The following CLUAP1 variants were observed in gnomAD, a reference collection of about 807,000 sequenced individuals.
CLUAP1 encodes the protein intraflagellar transport 38.
In CLUAP1, 50 loss-of-function variants were observed where a neutral mutation model predicts 55.0. The ratio of observed to expected loss-of-function variants is 0.91; its 90% CI spans 0.72 to 1.15. The LOEUF (loss-of-function observed/expected upper bound fraction) is 1.15. Ranked by LOEUF, CLUAP1 falls within the 50% of genes most tolerant of loss-of-function variation. CLUAP1 has a pLI of 0.00. For synonymous variants in CLUAP1, 195 were observed against 175.4 expected (o/e 1.11, Z -0.88); for missense variants, 530 against 507.6 (o/e 1.04, Z -0.42).
At chr16:3,520,395 G>GA (rs2037811308) in intron 7 of CLUAP1, among the ~76,000 whole-genome samples, 2 of 150,288 alleles carry the variant, frequency 1.3e-5, no homozygotes, top group Non-Finnish European at 3.0e-5. Context: ...GACTCTAAAA[G>GA]AAAAAAAAAG....
In CLUAP1 at chr16:3,530,689, T is replaced by C. The variant is rs767197432; in HGVS notation, c.1036+14T>C. The C allele has an allele frequency of 5.6e-6, 9 of 1,605,836 alleles. No homozygotes were observed. In the Admixed American group the frequency reaches 8.4e-5, roughly 15 times the overall value. On this transcript the variant is annotated intron_variant, in intron 10 of 11. Coordinates refer to ENST00000576634, the MANE Select transcript of CLUAP1 (RefSeq NM_015041.3). ...TGCTCATGCAAGGTACCCCGGCGTCTTTCGCTGGACTTCCTCCCTGCGCCC... is the reference window on the plus strand; with the variant it reads ...TGCTCATGCAAGGTACCCCGGCGTCCTTCGCTGGACTTCCTCCCTGCGCCC...
intron 9 of CLUAP1, among the ~76,000 whole-genome samples, chr16:3,527,747 G>A (rs111358295): frequency 0.07 from 10,626 of 152,132 alleles, 1,000 homozygotes; most frequent in African/African-American, 0.22. Flanking sequence ...CAAATTAGTG[G>A]AAGTACTAAA....
At chr16:3,519,814 G>T in intron 6 of CLUAP1, 89 bp from the exon 7 acceptor site, 1 of 1,310,004 alleles carries the variant, frequency 7.6e-7, no homozygotes. Context: ...GCATAATGTT[G>T]CTATGCCTGA....
chr16:3,510,289 C>T lies in CLUAP1; in HGVS notation c.399+1821C>T, dbSNP rs1030145800. Among the ~76,000 whole-genome samples the T allele has an allele frequency of 7.5e-4, 113 of 151,408 alleles. 1 individual carries two copies. The highest frequency in any genetic ancestry group is 2.5e-3 in the African/African-American group (102 of 41,192). On this transcript the variant is annotated intron_variant, in intron 4 of 11. Coordinates refer to ENST00000576634, the MANE Select transcript of CLUAP1 (RefSeq NM_015041.3). Reference sequence around the variant, plus strand: ...GATTACAGGCGTGAGCCACCGCACCCGGCTTTGTATTTTTTTTTTTTTTTT... The same window carrying T: ...GATTACAGGCGTGAGCCACCGCACCTGGCTTTGTATTTTTTTTTTTTTTTT...
chr16:3,522,422 C>A (rs948728983), intron 7 of CLUAP1, among the ~76,000 whole-genome samples: 1 of 152,208 alleles, frequency 6.6e-6, no homozygotes, highest in Admixed American at 6.5e-5. Context: ...CCTCAGTCTC[C>A]CAAAGTGCTG....
rs1157046990 is a variant in CLUAP1, at chr16:3,529,823, ATATAT to A, written c.929-739_929-735del. Among the ~76,000 whole-genome samples, 100 of 57,366 alleles carry A rather than the reference ATATAT, an allele frequency of 1.7e-3. 12 individuals carry two copies. The highest frequency in any genetic ancestry group is 7.7e-3 in the African/African-American group (84 of 10,902). The allele number at this position is 57,366 out of a possible 152,430, so 37.6% of individuals were successfully genotyped here. On this transcript the variant is annotated intron_variant, in intron 9 of 11. Coordinates refer to ENST00000576634, the MANE Select transcript of CLUAP1 (RefSeq NM_015041.3). ...ATTATTATATATATATTATAATATA[ATATAT>A]TATATAATATATTATATAATATATA...
At chr16:3,523,685 C>G (rs1326522226) in intron 8 of CLUAP1, among the ~76,000 whole-genome samples, 1 of 152,180 alleles carries the variant, frequency 6.6e-6, no homozygotes, top group Non-Finnish European at 1.5e-5. Context: ...AATTATGTAG[C>G]TGGTCTCGAG....
chr16:3,522,906 A>C (rs561720344), intron 7 of CLUAP1, among the ~76,000 whole-genome samples: 33 of 152,326 alleles, frequency 2.2e-4, no homozygotes, highest in Admixed American at 4.6e-4. Flanking sequence ...TTTTTACGTC[A>C]TTCTTCATAC....
At chr16:3,499,240 G>C (rs1049729552), upstream of CLUAP1, among the ~76,000 whole-genome samples, 4 of 152,344 alleles carry the variant, frequency 2.6e-5, no homozygotes, top group Middle Eastern at 3.4e-3. Context: ...AGCTCCTCCG[G>C]AGGCTGAGGC....
At chr16:3,513,898 G>C (rs2037681957) in intron 5 of CLUAP1, among the ~76,000 whole-genome samples, 1 of 152,198 alleles carries the variant, frequency 6.6e-6, no homozygotes, top group African/African-American at 2.4e-5. Context: ...TCACTGCCTT[G>C]CCTGTGTTCT....
At chr16:3,495,602 C>T in the CLUAP1 span, 1 of 1,339,002 alleles carries the variant, frequency 7.5e-7, no homozygotes, top group African/African-American at 1.5e-5. Flanking sequence ...AAGGCAAGGG[C>T]AGGGTGAAAG....
At chr16:3,499,392 T>C (rs1224041907), upstream of CLUAP1, among the ~76,000 whole-genome samples, 1 of 152,252 alleles carries the variant, frequency 6.6e-6, no homozygotes, top group Non-Finnish European at 1.5e-5. Flanking sequence ...GCCCTTGGCA[T>C]TGTCAAGAGT....
At chr16:3,507,453 G>T (rs912269299) in intron 3 of CLUAP1, among the ~76,000 whole-genome samples, 5 of 151,602 alleles carry the variant, frequency 3.3e-5, no homozygotes, top group East Asian at 1.9e-4. Context: ...TCAGGTGCTT[G>T]GGAGGCTGAG....
chr16:3,520,143 CG>C (rs2037806322), intron 7 of CLUAP1, 107 bp downstream of exon 7: 10 of 1,148,372 alleles, frequency 8.7e-6, no homozygotes, highest in African/African-American at 1.6e-5. Flanking sequence ...GAAGCTGGGG[CG>C]GGGGGTTCTC....
chr16:3,525,117 C>T (rs1473623715), intron 8 of CLUAP1, among the ~76,000 whole-genome samples: 1 of 152,188 alleles, frequency 6.6e-6, no homozygotes, highest in Non-Finnish European at 1.5e-5. Context: ...TCATTGCTAG[C>T]ATTACTCTGT....
chr16:3,512,753 TC>T (rs2151049948), intron 5 of CLUAP1, among the ~76,000 whole-genome samples: 1 of 152,346 alleles, frequency 6.6e-6, no homozygotes, highest in East Asian at 1.9e-4. Context: ...CAATCTCGTC[TC>T]ACTGCAAGCT....
chr16:3,525,262 G>C (rs1236797257), intron 8 of CLUAP1, among the ~76,000 whole-genome samples: 1 of 152,096 alleles, frequency 6.6e-6, no homozygotes, highest in African/African-American at 2.4e-5. Flanking sequence ...AGAAACGTTG[G>C]CCATTTTTTT....
At chr16:3,519,484 G>A (rs1420549545) in intron 6 of CLUAP1, among the ~76,000 whole-genome samples, 1 of 152,240 alleles carries the variant, frequency 6.6e-6, no homozygotes, top group Admixed American at 6.5e-5. Context: ...AGTACTTGGT[G>A]TGTGTGGGTA....
chr16:3,536,071 G>A, intron 11 of CLUAP1, 51 bp from the exon 12 acceptor site: 1 of 1,598,850 alleles, frequency 6.3e-7, no homozygotes, highest in African/African-American at 1.3e-5. Flanking sequence ...AGGACAAGAT[G>A]TCAGGAATGA....
Sources: allele counts gnomAD v4.1 joint callset (sites outside exome capture counted in the v4.1 genomes callset), GRCh38; gene constraint gnomAD v4.1.1; transcripts MANE v1.5; gene names NCBI Gene and HGNC (gene_info 2026-07-23, HGNC 2026-07-21).